PTPN12: variants seen among roughly 807,000 people sequenced by gnomAD.
PTPN12 encodes protein tyrosine phosphatase non-receptor type 12.
PTPN12 carries 29 observed loss-of-function variants against 97.6 expected under a neutral mutation model. The observed-to-expected ratio is 0.30, with a 90% CI of 0.22 to 0.41. The LOEUF (loss-of-function observed/expected upper bound fraction) is 0.41, where lower values mean the gene tolerates loss of function less well. Among genes scored for constraint, PTPN12 ranks in the 10% least tolerant of loss-of-function variants. PTPN12 has a pLI of 1.00. For missense variants in PTPN12, 819 were observed against 926.0 expected (o/e 0.88, Z 1.50); for synonymous variants, 327 against 300.4 (o/e 1.09, Z -0.91).
At chr7:77,545,800 A>G (rs1230157606) in intron 1 of PTPN12, 1 of 152,130 alleles carries the variant, frequency 6.6e-6, no homozygotes, top group East Asian at 1.9e-4. Flanking sequence ...ATACTCTGGT[A>G]TGTATCCTCT....
intron 5 of PTPN12, among the ~76,000 whole-genome samples, chr7:77,589,532 G>C (rs1036002340): frequency 6.6e-6 from 1 of 151,866 alleles, no homozygotes; most frequent in Non-Finnish European, 1.5e-5. Context: ...ATTATCTTTA[G>C]TTTGTAAATA....
At chr7:77,610,538 A>C (rs1353573090) in intron 9 of PTPN12, among the ~76,000 whole-genome samples, 1 of 152,142 alleles carries the variant, frequency 6.6e-6, no homozygotes, top group Non-Finnish European at 1.5e-5. Flanking sequence ...TGTATACTGC[A>C]GTCATACTTT....
chr7:77,568,881 T>C (rs1279571275), intron 1 of PTPN12, among the ~76,000 whole-genome samples: 3 of 152,220 alleles, frequency 2.0e-5, no homozygotes, highest in Non-Finnish European at 2.9e-5. Context: ...ACTATAAGTA[T>C]CTAAAAATAC....
At chr7:77,560,563 C>T (rs964642938) in intron 1 of PTPN12, among the ~76,000 whole-genome samples, 5 of 152,192 alleles carry the variant, frequency 3.3e-5, no homozygotes, top group Admixed American at 6.5e-5. Context: ...TCTCCTCCTT[C>T]CTCCAACCTG....
At chr7:77,582,112 T>TTTTTTTTTTG (rs1787539095) in intron 3 of PTPN12, among the ~76,000 whole-genome samples, 1 of 102,856 alleles carries the variant, frequency 9.7e-6, no homozygotes, top group African/African-American at 3.7e-5. Context: ...TTTTTTTTTT[T>TTTTTTTTTTG]GAGACGGAGT....
At chr7:77,571,282 A>ACTACTTCCTTAAC in intron 2 of PTPN12, 96 bp downstream of exon 2, 1 of 698,886 alleles carries the variant, frequency 1.4e-6, no homozygotes, top group Non-Finnish European at 2.4e-6. Flanking sequence ...ACTGTTAAGG[A>ACTACTTCCTTAAC]AGTAGTAATT....
intron 5 of PTPN12, among the ~76,000 whole-genome samples, chr7:77,590,873 T>TAA (rs763268073): frequency 7.0e-6 from 1 of 142,006 alleles, no homozygotes; most frequent in Non-Finnish European, 1.5e-5. Context: ...CTCCATCTAT[T>TAA]AAAAAAAAAA....
chr7:77,547,746 T>A (rs950056925), intron 1 of PTPN12, among the ~76,000 whole-genome samples: 3 of 152,206 alleles, frequency 2.0e-5, no homozygotes, highest in Non-Finnish European at 4.4e-5. Context: ...TCCACAAAGA[T>A]GCTACATTTG....
rs552399430 is a variant in PTPN12, at chr7:77,563,903, G to A, written c.100-7175G>A. 3.9e-5 allele frequency: 17 copies of A among 436,716 alleles called. No homozygotes were observed. In the East Asian group the frequency reaches 1.1e-3, roughly 29 times the overall value. 27.1% of individuals were successfully genotyped at this position (436,716 alleles called of 1,614,324 possible). On this transcript the variant is annotated intron_variant, in intron 1 of 17. Transcript: ENST00000248594. ...ATTTTAGCTGCTTATAACCATTATC[G>A]TTAGTGATGTGCATTTTTTCTTTTT...
chr7:77,567,608 A>T (rs767578377), intron 1 of PTPN12, among the ~76,000 whole-genome samples: 5 of 152,190 alleles, frequency 3.3e-5, no homozygotes, highest in Non-Finnish European at 4.4e-5. Context: ...ACTGAATCAG[A>T]AACTACTGGG....
At chr7:77,564,746 G>GGT (rs1808162192) in intron 1 of PTPN12, among the ~76,000 whole-genome samples, 2 of 45,370 alleles carry the variant, frequency 4.4e-5, no homozygotes, top group Non-Finnish European at 3.8e-5. Context: ...TTGTTGTCGT[G>GGT]TTTTTTTTTT....
rs778677956 is a variant in PTPN12 at position 77,632,392 on chromosome 7, ACTC to A, written c.2044_2046del (p.Pro682del). ...TTCACCTCCTCCCCTACCTGAAAGA[ACTC>A]CTGAATCGTTTGTGTTAGCAAGTGA... On this transcript the variant is annotated inframe_deletion, in exon 14 of 18. Coordinates refer to ENST00000248594, the MANE Select transcript of PTPN12 (RefSeq NM_002835.4). 4.3e-6 allele frequency: 7 copies of A among 1,611,222 alleles called. No individual in the cohort carries two copies. In the African/African-American group the frequency reaches 8.0e-5, roughly 18 times the overall value.
chr7:77,619,139 G>A (rs925931011), intron 12 of PTPN12, among the ~76,000 whole-genome samples: 5 of 152,130 alleles, frequency 3.3e-5, no homozygotes, highest in African/African-American at 9.6e-5. Flanking sequence ...TTTAGCTCTG[G>A]GATCTAGGAT....
chr7:77,639,143 T>C lies in PTPN12; in HGVS notation c.2282-76T>C, dbSNP rs1789709044. 12 of 1,179,746 alleles carry C rather than the reference T, an allele frequency of 1.0e-5. No homozygotes were observed. In the South Asian group the frequency reaches 1.6e-4, roughly 15 times the overall value. The allele number at this position is 1,179,746 out of a possible 1,614,324, so 73.1% of individuals were successfully genotyped here. Reference sequence around the variant, plus strand: ...ATTTATTTGTTCCAGAAAATGAGAATGTCTGTGGACATGGTTTTTAGTAGT... The same window carrying C: ...ATTTATTTGTTCCAGAAAATGAGAACGTCTGTGGACATGGTTTTTAGTAGT... On this transcript the variant is annotated intron_variant, in intron 17 of 17. Coordinates refer to ENST00000248594, the MANE Select transcript of PTPN12 (RefSeq NM_002835.4).
chr7:77,578,672 T>C (rs1787413367), intron 2 of PTPN12, among the ~76,000 whole-genome samples: 2 of 152,202 alleles, frequency 1.3e-5, no homozygotes, highest in Non-Finnish European at 2.9e-5. Flanking sequence ...TTCATGTCTG[T>C]TAACATTTCC....
At chr7:77,595,428 G>T (rs1244194189) in intron 6 of PTPN12, among the ~76,000 whole-genome samples, 1 of 152,170 alleles carries the variant, frequency 6.6e-6, no homozygotes, top group Non-Finnish European at 1.5e-5. Context: ...AGGGTAAAGT[G>T]GTGGTGAAAG....
intron 1 of PTPN12, among the ~76,000 whole-genome samples, chr7:77,541,154 G>A (rs1241044945): frequency 8.5e-5 from 13 of 152,272 alleles, no homozygotes; most frequent in Middle Eastern, 3.4e-3. Context: ...GCATGGTTGC[G>A]ATCCTGGCTC....
In PTPN12 at chr7:77,537,383, G is replaced by A; in HGVS notation, c.-164G>A. 9.9e-7 allele frequency: 1 copy of A among 1,013,878 alleles called. No individual in the cohort carries two copies. The highest frequency in any genetic ancestry group is 2.0e-5 in the South Asian group (1 of 49,744). 62.8% of individuals were successfully genotyped at this position (1,013,878 alleles called of 1,614,324 possible). A position where few individuals can be genotyped will look rare whatever the true frequency, so the allele number is the denominator to read the frequency against. On this transcript the variant is annotated 5_prime_UTR_variant, in exon 1 of 18. Coordinates refer to ENST00000248594, the MANE Select transcript of PTPN12 (RefSeq NM_002835.4). ...CGGGAGCCCAGCCGGTGCCGCCGCA[G>A]CCGCCGCCTAGGGCGGTGGGGAGGA...
intron 1 of PTPN12, among the ~76,000 whole-genome samples, chr7:77,545,451 AATT>A (rs1481293342): frequency 4.6e-5 from 7 of 152,090 alleles, no homozygotes; most frequent in Non-Finnish European, 8.8e-5. Context: ...TGACCATTAC[AATT>A]ATTGGAAATT....
Sources: gnomAD v4.1 joint callset for allele counts (sites outside exome capture counted in the v4.1 genomes callset) on GRCh38, gnomAD v4.1.1 for gene constraint, MANE v1.5 for transcripts, NCBI Gene and HGNC (gene_info 2026-07-23, HGNC 2026-07-21) for gene names.